MERTK: variants seen among roughly 807,000 people sequenced by gnomAD.
MERTK encodes MER proto-oncogene, tyrosine kinase.
A neutral mutation model predicts 99.3 loss-of-function variants in MERTK; 69 were observed. The observed-to-expected ratio is 0.70, with a 90% CI of 0.57 to 0.85. MERTK has a LOEUF of 0.85. Among genes scored for constraint, MERTK ranks in the 40% least tolerant of loss-of-function variants. MERTK has a pLI of 0.00. For synonymous variants in MERTK, 426 were observed against 467.6 expected, an observed-to-expected ratio of 0.91 and a Z score of 1.15; for missense variants, 1,125 against 1,249.4, an observed-to-expected ratio of 0.90 and a Z score of 1.50.
At chr2:111,898,936 C>A in intron 1 of MERTK, 140 bp downstream of exon 1, 1 of 915,082 alleles carries the variant, frequency 1.1e-6, no homozygotes, top group Non-Finnish European at 1.6e-6. Flanking sequence ...CACTGCGGTG[C>A]CAGAGGAGGG....
chr2:111,950,543 G>A (rs935917955), intron 4 of MERTK, among the ~76,000 whole-genome samples: 5 of 152,182 alleles, frequency 3.3e-5, no homozygotes, highest in African/African-American at 9.7e-5. Flanking sequence ...GTTGCTCATC[G>A]ATATGTTTAC....
At chr2:111,941,012 G>A in intron 2 of MERTK, 2 of 555,690 alleles carry the variant, frequency 3.6e-6, no homozygotes, top group South Asian at 1.6e-5. Flanking sequence ...TGGTAGTCAA[G>A]AGCCGTCAGC....
chr2:111,943,647 C>T (rs1652729552), intron 2 of MERTK, among the ~76,000 whole-genome samples: 1 of 152,200 alleles, frequency 6.6e-6, no homozygotes, highest in African/African-American at 2.4e-5. Context: ...CACCTTCAAG[C>T]ACTTGACCTG....
At chr2:111,993,181 G>C (rs904453220) in intron 8 of MERTK, among the ~76,000 whole-genome samples, 3 of 152,040 alleles carry the variant, frequency 2.0e-5, no homozygotes, top group Non-Finnish European at 4.4e-5. Context: ...TTCTGCAGGG[G>C]GCATTTCTGG....
Position 112,014,288 on chromosome 2 carries a change from TG to T in MERTK, c.2079+4225del, listed in dbSNP as rs1677170407. Among the ~76,000 whole-genome samples the T allele has an allele frequency of 5.9e-5, 9 of 152,282 alleles. No individual in the cohort carries two copies. The South Asian group carries it at 1.9e-3, about 32-fold the overall frequency. ...TGCCCACTTCGGCCTCCCAAAGTGCTGGGATTACAGGCATGAGCCACCGTGC... is the reference window on the plus strand; with the variant it reads ...TGCCCACTTCGGCCTCCCAAAGTGCTGGATTACAGGCATGAGCCACCGTGC... On this transcript the variant is annotated intron_variant, in intron 15 of 18. Transcript: ENST00000295408.
At chr2:112,006,063 C>G (rs7583987) in intron 13 of MERTK, among the ~76,000 whole-genome samples, 87,276 of 151,602 alleles carry the variant, frequency 0.58, 25,568 homozygotes, top group Middle Eastern at 0.68. Flanking sequence ...GTATTTTTTT[C>G]TAGAGATGGG....
rs1225765337 is a variant in MERTK at position 111,964,405 on chromosome 2, GCGCA to G, written c.758-782_758-779del. Among the ~76,000 whole-genome samples the G allele has an allele frequency of 5.8e-3, 880 of 151,738 alleles. 10 individuals carry two copies. Among genetic ancestry groups the G allele is most frequent in the African/African-American group, 0.02 (846 of 41,324 alleles). On this transcript the variant is annotated intron_variant, in intron 4 of 18. Coordinates refer to ENST00000295408, the MANE Select transcript of MERTK (RefSeq NM_006343.3). ...TGTGTGTGTGTGTGTGTGTGCGCGC[GCGCA>G]CGCGCATGTGTGTGTGTGTACGTTG...
In MERTK at chr2:112,001,155, G is replaced by C. The variant is rs199695875; in HGVS notation, c.1605-46G>C. 29 of 1,464,036 alleles carry C rather than the reference G, an allele frequency of 2.0e-5. No homozygotes were observed. In the Admixed American group the frequency reaches 4.7e-4, roughly 24 times the overall value. The allele number at this position is 1,464,036 out of a possible 1,614,324, so 90.7% of individuals were successfully genotyped here. A position where few individuals can be genotyped will look rare whatever the true frequency, so the allele number is the denominator to read the frequency against. On this transcript the variant is annotated intron_variant, in intron 10 of 18. Coordinates refer to ENST00000295408, the MANE Select transcript of MERTK (RefSeq NM_006343.3). ...CCTTGTGGAATCAGTGCCTGCCCCA[G>C]TAGCCCTGTTTTTATAGTGAAGTAT...
rs766822912 is a variant in MERTK at position 111,898,755 on chromosome 2, C to CGCTGCT, written c.25_30dup (p.Leu9_Leu10dup). 9 of 1,605,958 alleles carry CGCTGCT rather than the reference C, an allele frequency of 5.6e-6. No individual in the cohort carries two copies. The South Asian group carries it at 6.7e-5, about 12-fold the overall frequency. On this transcript the variant is annotated inframe_insertion, in exon 1 of 19. Transcript: ENST00000295408. ...CCCGGGATGGGGCCGGCCCCGCTGC[C>CGCTGCT]GCTGCTGCTGGGCCTCTTCCTCCCC...
At chr2:111,972,197 AT>A (rs1377600036) in intron 6 of MERTK, among the ~76,000 whole-genome samples, 1 of 152,072 alleles carries the variant, frequency 6.6e-6, no homozygotes, top group African/African-American at 2.4e-5. Context: ...CGCCTGGCTC[AT>A]TTTTGTGTTT....
chr2:111,928,222 T>A (rs1308125522), intron 1 of MERTK, among the ~76,000 whole-genome samples: 1 of 129,770 alleles, frequency 7.7e-6, no homozygotes, highest in Non-Finnish European at 1.6e-5. Flanking sequence ...GCAGCTTTTT[T>A]TTTTTTTTTT....
Position 111,899,355 on chromosome 2 carries a change from C to T in MERTK, c.61+559C>T, listed in dbSNP as rs976625105. Among the ~76,000 whole-genome samples the T allele has an allele frequency of 1.2e-4, 19 of 152,302 alleles. No homozygotes were observed. In the East Asian group the frequency reaches 1.4e-3, roughly 11 times the overall value. On this transcript the variant is annotated intron_variant, in intron 1 of 18. Transcript: ENST00000295408. ...CAGGGGGGGACGGCAGTCCTGGCTG[C>T]TCCCAATGGGCCCTTACGGGCATTA...
intron 6 of MERTK, among the ~76,000 whole-genome samples, chr2:111,970,792 TCCTCCTCCCCCCTCCTCCTCCTCCTC>T (rs1558791479): frequency 1.4e-3 from 23 of 16,098 alleles, no homozygotes; most frequent in African/African-American, 2.4e-3. Context: ...TCCTCCCTCC[TCCTCCTCCCCCCTCCTCCTCCTCCTC>T]CCTCCTCCTC....
chr2:111,905,571 G>A (rs563399075), intron 1 of MERTK, among the ~76,000 whole-genome samples: 13 of 150,914 alleles, frequency 8.6e-5, no homozygotes, highest in African/African-American at 2.7e-4. Context: ...GGGTTCAAGC[G>A]GTTCTCCTGT....
Position 111,965,265 on chromosome 2 carries a change from A to T in MERTK, c.832A>T (p.Ile278Phe), listed in dbSNP as rs760095443. 2 of 1,614,184 alleles carry T rather than the reference A, an allele frequency of 1.2e-6. No individual in the cohort carries two copies. The highest frequency in any genetic ancestry group is 2.2e-5 in the East Asian group (1 of 44,880). Residue 278 changes from isoleucine (I) to phenylalanine (F), a missense_variant, in exon 5 of 19, where the codon ATC (isoleucine) becomes TTC (phenylalanine). Transcript: ENST00000295408. ...GCTGACCGTGTCCAAGGGAGTGCAG[A>T]TCAACATCAAAGGTAAGCAGCAAGG... ...KGLTVSKGVQ[I>F]NIKAIPSPPT...
chr2:111,996,842 T>C (rs1370865309), intron 9 of MERTK: 2 of 188,352 alleles, frequency 1.1e-5, no homozygotes, highest in Non-Finnish European at 2.3e-5. Flanking sequence ...AAACTATATT[T>C]TCTCTGTATC....
rs1208758181 is a variant in MERTK, at chr2:112,028,483, C to T, written c.2619C>T (p.Val873=). The T allele has an allele frequency of 1.2e-6, 2 of 1,614,080 alleles. No individual in the cohort carries two copies. Among genetic ancestry groups the T allele is most frequent in the Non-Finnish European group, 1.7e-6 (2 of 1,180,054 alleles). ...DVRNQADVIY[V]NTQLLESSEG... ...GGAACCAAGCAGACGTTATTTACGT[C>T]AATACACAGTTGCTGGAGAGCTCTG... is the stretch of plus-strand genomic sequence containing the variant. The change falls in exon 19 of 19, where the codon GTC becomes GTT. Residue 873 remains valine (V), a synonymous_variant. Transcript: ENST00000295408.
At chr2:111,906,872 T>C (rs1409789003) in intron 1 of MERTK, among the ~76,000 whole-genome samples, 3 of 152,244 alleles carry the variant, frequency 2.0e-5, no homozygotes, top group African/African-American at 7.2e-5. Flanking sequence ...TAGTGTGTCC[T>C]CCTTCTAAAA....
At chr2:112,020,865 GTC>G (rs1380566789) in intron 16 of MERTK, among the ~76,000 whole-genome samples, 4 of 151,910 alleles carry the variant, frequency 2.6e-5, no homozygotes, top group Middle Eastern at 3.2e-3. Flanking sequence ...GCCCTTGCTA[GTC>G]CACATCCCAC....
Sources: allele counts gnomAD v4.1 joint callset (sites outside exome capture counted in the v4.1 genomes callset), GRCh38; gene constraint gnomAD v4.1.1; transcripts MANE v1.5; gene names NCBI Gene and HGNC (gene_info 2026-07-23, HGNC 2026-07-21).